Variants in ZNF605 observed in about 807,000 individuals in gnomAD.
The protein encoded by ZNF605 is zinc finger protein 605.
Under a neutral mutation model 7.9 loss-of-function variants are expected in ZNF605, and 9 were observed. The ratio of observed to expected loss-of-function variants is 1.14; its 90% confidence interval spans 0.68 to 1.98. The LOEUF is 1.98. Ranked by LOEUF, ZNF605 falls within the 30% of genes most tolerant of loss-of-function variation. The pLI is 0.00. For synonymous variants in ZNF605, 255 were observed against 260.1 expected, an observed-to-expected ratio of 0.98 and a Z score of 0.19; for missense variants, 673 against 762.4, an observed-to-expected ratio of 0.88 and a Z score of 1.38.
chr12:132,931,321 C>T (rs1952307031), intron 4 of ZNF605, among the ~76,000 whole-genome samples: 2 of 152,186 alleles, frequency 1.3e-5, no homozygotes, highest in African/African-American at 2.4e-5. Flanking sequence ...GTGCATACCA[C>T]AAATTCCACA....
At position 132,919,842 on chromosome 12, in the gene ZNF605, G is replaced by GT. The variant is rs778298320; in HGVS notation, c.*5530dup. The GT allele has an allele frequency of 3.0e-3, 451 of 151,298 alleles. No homozygotes were observed. The highest frequency in any genetic ancestry group is 4.6e-3 in the Non-Finnish European group (312 of 67,826). The allele number at this position is 151,298 out of a possible 1,614,324, so 9.4% of individuals were successfully genotyped here. The stretch of plus-strand genomic sequence containing the variant: ...TCACTAAATAAGTTTGGTGTTCCCT[G>GT]TTTTTTTGTGTGTGTGTGTGATGGA... On this transcript the variant is annotated 3_prime_UTR_variant, in exon 5 of 5. Coordinates refer to ENST00000360187, the MANE Select transcript of ZNF605 (RefSeq NM_183238.4).
In ZNF605 at chr12:132,927,157, A is replaced by C; in HGVS notation, c.142T>G (p.Trp48Gly). ...AGCCACATTTTGGGATTATCTAGCCAGACTTCTAAAAAGAGAAAAAAATGA... is the reference window on the plus strand; with the variant it reads ...AGCCACATTTTGGGATTATCTAGCCCGACTTCTAAAAAGAGAAAAAAATGA... ...NYSNLVFLEV[W>G]LDNPKMWLRD... Residue 48 changes from tryptophan (W) to glycine (G), a missense_variant, in exon 5 of 5, where the codon TGG (tryptophan) becomes GGG (glycine). Trp to Gly is a radical substitution (Grantham distance 184). Transcript: ENST00000360187. 6.4e-7 allele frequency: 1 copy of C among 1,551,484 alleles called. No homozygotes were observed. The highest frequency in any genetic ancestry group is 2.2e-5 in the East Asian group (1 of 44,470).
chr12:132,950,478 C>A (rs1952546322), intron 1 of ZNF605, among the ~76,000 whole-genome samples: 1 of 151,544 alleles, frequency 6.6e-6, no homozygotes, highest in African/African-American at 2.4e-5. Context: ...CACAGACATG[C>A]ACACACAGAC....
chr12:132,934,195 C>T (rs1427452640), intron 3 of ZNF605, among the ~76,000 whole-genome samples: 16 of 152,094 alleles, frequency 1.1e-4, no homozygotes, highest in African/African-American at 3.6e-4. Flanking sequence ...AGGAGAATCA[C>T]TTGAACCTGG....
intron 3 of ZNF605, among the ~76,000 whole-genome samples, chr12:132,938,370 G>T (rs1239595810): frequency 6.6e-6 from 1 of 151,718 alleles, no homozygotes; most frequent in Admixed American, 6.6e-5. Context: ...GCACGATCTC[G>T]ACTCACTGCA....
At chr12:132,949,042 C>T (rs1225443805) in intron 1 of ZNF605, among the ~76,000 whole-genome samples, 1 of 152,100 alleles carries the variant, frequency 6.6e-6, no homozygotes, top group East Asian at 1.9e-4. Flanking sequence ...TATGGGGTGC[C>T]TGTATTAACT....
In ZNF605 at chr12:132,927,125, A is replaced by G; in HGVS notation, c.174T>C (p.Asp58=). The change falls in exon 5 of 5, where the codon GAT becomes GAC. Residue 58 remains aspartate, a synonymous_variant. Coordinates refer to ENST00000360187, the MANE Select transcript of ZNF605 (RefSeq NM_183238.4). ...CCATACTTTTAAGGTTGTCTTGATT[A>G]TCTCGGAGCCACATTTTGGGATTAT... ...WLDNPKMWLR[D]NQDNLKSMER... 6.3e-7 allele frequency: 1 copy of G among 1,576,698 alleles called. No individual in the cohort carries two copies.
At chr12:132,949,691 G>A (rs543630008) in intron 1 of ZNF605, among the ~76,000 whole-genome samples, 1 of 152,296 alleles carries the variant, frequency 6.6e-6, no homozygotes, top group African/African-American at 2.4e-5. Flanking sequence ...GTCATGAGGG[G>A]AGACAGGTCC....
intron 1 of ZNF605, among the ~76,000 whole-genome samples, chr12:132,950,779 TAC>T (rs1327278617): frequency 3.3e-5 from 5 of 149,910 alleles, no homozygotes; most frequent in Admixed American, 3.3e-4. Flanking sequence ...CACAGACATG[TAC>T]ACACAGACAC....
chr12:132,954,375 G>GGGT (rs1952609733), intron 1 of ZNF605, among the ~76,000 whole-genome samples: 1 of 105,852 alleles, frequency 9.4e-6, no homozygotes, highest in Non-Finnish European at 2.0e-5. Flanking sequence ...CGGGGGAGAA[G>GGGT]GGGCTTCAGT....
rs1952320576 is a variant in ZNF605 at position 132,932,754 on chromosome 12, G to A, written c.136+281C>T. 7.2e-6 allele frequency: 11 copies of A among 1,536,560 alleles called. No individual in the cohort carries two copies. In the East Asian group the frequency reaches 2.7e-4, roughly 38 times the overall value. On this transcript the variant is annotated intron_variant, in intron 4 of 4. Coordinates refer to ENST00000360187, the MANE Select transcript of ZNF605 (RefSeq NM_183238.4). ...TAGGATTTCTTGACCTATTATCCAT[G>A]GATCTTGTTGTTCCAGTTTGAACAT...
intron 1 of ZNF605, among the ~76,000 whole-genome samples, chr12:132,948,955 C>T (rs1167000549): frequency 1.3e-5 from 2 of 152,148 alleles, no homozygotes; most frequent in Non-Finnish European, 2.9e-5. Flanking sequence ...GCGTAGCTCA[C>T]GCCTGGCACC....
intron 4 of ZNF605, among the ~76,000 whole-genome samples, chr12:132,931,424 GC>G (rs1952308230): frequency 6.6e-6 from 1 of 152,126 alleles, no homozygotes; most frequent in South Asian, 2.1e-4. Flanking sequence ...TGTCCATCAG[GC>G]CTGAGTTACT....
chr12:132,952,630 A>T (rs1952584549), intron 1 of ZNF605, among the ~76,000 whole-genome samples: 1 of 151,696 alleles, frequency 6.6e-6, no homozygotes, highest in Non-Finnish European at 1.5e-5. Context: ...CTCAGATGCA[A>T]AGGTCTTGGG....
Position 132,955,365 on chromosome 12 carries a change from G to A in ZNF605, c.-286+878C>T, listed in dbSNP as rs763628527. On this transcript the variant is annotated intron_variant, in intron 1 of 4. Coordinates refer to ENST00000360187, the MANE Select transcript of ZNF605 (RefSeq NM_183238.4). ...GCGTGTTGGCTCAGGCTGGGGATGGGCCAAAGCTCAAGAAAATGGGGAAAG... is the reference window on the plus strand; with the variant it reads ...GCGTGTTGGCTCAGGCTGGGGATGGACCAAAGCTCAAGAAAATGGGGAAAG... Among the ~76,000 whole-genome samples the A allele has an allele frequency of 1.1e-3, 172 of 152,252 alleles. 1 individual carries two copies. The highest frequency in any genetic ancestry group is 3.3e-3 in the South Asian group (16 of 4,818).
At chr12:132,952,450 CA>C (rs76640666) in intron 1 of ZNF605, among the ~76,000 whole-genome samples, 7,572 of 88,888 alleles carry the variant, frequency 0.085, 506 homozygotes, top group East Asian at 0.32. Context: ...GACTCTGTCT[CA>C]AAAAAAAAAA....
chr12:132,926,652 T>C lies in ZNF605; in HGVS notation c.647A>G (p.Gln216Arg). 5 of 1,614,188 alleles carry C rather than the reference T, an allele frequency of 3.1e-6. No homozygotes were observed. Among genetic ancestry groups the C allele is most frequent in the Non-Finnish European group, 4.2e-6 (5 of 1,180,030 alleles). Residue 216 changes from glutamine (Q) to arginine (R), a missense_variant, in exon 5 of 5, where the codon CAA (glutamine) becomes CGA (arginine). By Grantham distance (43) the Gln-to-Arg change is conservative. Coordinates refer to ENST00000360187, the MANE Select transcript of ZNF605 (RefSeq NM_183238.4). ...FSQKSLLTVH[Q>R]RTHSGEKPHG... ...CGGTTTTTCTCCTGAGTGAGTTCTTTGATGAACCGTGAGCAGTGACTTCTG... is the reference window on the plus strand; with the variant it reads ...CGGTTTTTCTCCTGAGTGAGTTCTTCGATGAACCGTGAGCAGTGACTTCTG...
chr12:132,944,342 G>A lies in ZNF605; in HGVS notation c.15+1279C>T, dbSNP rs201283348. ...ATATCAGGAAGAAAGGAAAGGCAGG[G>A]AAAGGGTGAGAGGGGAGAGGCTGAC... is the stretch of plus-strand genomic sequence containing the variant. On this transcript the variant is annotated intron_variant, in intron 3 of 4. Coordinates refer to ENST00000360187, the MANE Select transcript of ZNF605 (RefSeq NM_183238.4). Among the ~76,000 whole-genome samples, 1,048 of 152,276 alleles carry A rather than the reference G, an allele frequency of 6.9e-3. 13 individuals carry two copies. Among genetic ancestry groups the A allele is most frequent in the African/African-American group, 0.025 (1,023 of 41,562 alleles).
In ZNF605 at chr12:132,924,349, C is replaced by T. The variant is rs191968486; in HGVS notation, c.*1024G>A. 90 of 152,270 alleles carry T rather than the reference C, an allele frequency of 5.9e-4. No individual in the cohort carries two copies. The highest frequency in any genetic ancestry group is 3.4e-3 in the Middle Eastern group (1 of 298). 9.4% of individuals were successfully genotyped at this position (152,270 alleles called of 1,614,324 possible). A position where few individuals can be genotyped will look rare whatever the true frequency, so the allele number is the denominator to read the frequency against. ...CTGTTTCCACTCTGGCTGCTGAGAA[C>T]ATAAACTATTCCCAGCCCTGCATGA... On this transcript the variant is annotated 3_prime_UTR_variant, in exon 5 of 5. Transcript: ENST00000360187.
Sources: allele counts gnomAD v4.1 joint callset (sites outside exome capture counted in the v4.1 genomes callset), GRCh38; gene constraint gnomAD v4.1.1; transcripts MANE v1.5; gene names NCBI Gene and HGNC (gene_info 2026-07-23, HGNC 2026-07-21).